Variants in BRINP3 observed in about 807,000 individuals in gnomAD.
The protein encoded by BRINP3 is BMP/retinoic acid inducible neural specific 3.
BRINP3 carries 19 observed loss-of-function variants against 71.0 expected under a neutral mutation model. That is an observed-to-expected ratio of 0.27 (90% CI 0.19 to 0.39). BRINP3 has a LOEUF of 0.39. Ranked by LOEUF, BRINP3 falls within the 10% of genes least tolerant of loss-of-function variation. The pLI is 1.00. For synonymous variants in BRINP3, 380 were observed against 337.7 expected (o/e 1.13, Z -1.37); for missense variants, 959 against 940.8 (o/e 1.02, Z -0.25).
At chr1:190,388,120 T>C (rs1327191314) in intron 2 of BRINP3, among the ~76,000 whole-genome samples, 4 of 151,800 alleles carry the variant, frequency 2.6e-5, no homozygotes, top group Admixed American at 1.3e-4. Context: ...TGAGTAAACA[T>C]AACTTAGCAT....
At chr1:190,352,229 T>C (rs1668434471) in intron 2 of BRINP3, among the ~76,000 whole-genome samples, 1 of 152,048 alleles carries the variant, frequency 6.6e-6, no homozygotes, top group African/African-American at 2.4e-5. Flanking sequence ...TTTTGACTAC[T>C]GAAAATTTGT....
chr1:190,277,191 C>T (rs894005638), intron 3 of BRINP3, among the ~76,000 whole-genome samples: 1 of 144,170 alleles, frequency 6.9e-6, no homozygotes, highest in Non-Finnish European at 1.5e-5. Flanking sequence ...ACAATCCTCA[C>T]TGTTAACATG....
rs577359531 is a variant in BRINP3, at chr1:190,361,561, C to G, written c.237-79811G>C. Among the ~76,000 whole-genome samples, 9 of 152,074 alleles carry G rather than the reference C, an allele frequency of 5.9e-5. No individual in the cohort carries two copies. The South Asian group carries it at 1.9e-3, about 32-fold the overall frequency. ...GGGACTACAGACACACATCACCACG[C>G]CCAGCTAATTTTTGTATTTTTGGTG... On this transcript the variant is annotated intron_variant, in intron 2 of 7. Transcript: ENST00000367462.
chr1:190,410,885 G>A lies in BRINP3; in HGVS notation c.236+43770C>T, dbSNP rs540344760. 5.3e-5 allele frequency among the ~76,000 whole-genome samples: 8 copies of A among 152,074 alleles called. No homozygotes were observed. The South Asian group carries it at 1.2e-3, about 24-fold the overall frequency. On this transcript the variant is annotated intron_variant, in intron 2 of 7. Coordinates refer to ENST00000367462, the MANE Select transcript of BRINP3 (RefSeq NM_199051.3). ...TACTTAGACTGAAAAACTCAATATC[G>A]CAAAGATGTCAGTTTATGGATTTAA...
intron 2 of BRINP3, among the ~76,000 whole-genome samples, chr1:190,367,138 G>A (rs1353641122): frequency 1.3e-5 from 2 of 152,206 alleles, no homozygotes; most frequent in African/African-American, 4.8e-5. Flanking sequence ...TGCCCTGGCA[G>A]AGGTTCTCCG....
intron 2 of BRINP3, among the ~76,000 whole-genome samples, chr1:190,385,435 C>A (rs1005607276): frequency 3.9e-5 from 6 of 152,024 alleles, no homozygotes; most frequent in Admixed American, 2.0e-4. Flanking sequence ...TGAACAGACA[C>A]TTCTCAAAAG....
At chr1:190,339,571 A>G (rs919587279) in intron 2 of BRINP3, among the ~76,000 whole-genome samples, 1 of 151,938 alleles carries the variant, frequency 6.6e-6, no homozygotes, top group African/African-American at 2.4e-5. Flanking sequence ...TTCTGTCCAA[A>G]CAGAAGTAAT....
chr1:190,200,760 A>G (rs1654931513), intron 6 of BRINP3, among the ~76,000 whole-genome samples: 3 of 152,050 alleles, frequency 2.0e-5, no homozygotes, highest in Non-Finnish European at 4.4e-5. Context: ...TGGTTTCATG[A>G]GATATCATGG....
At position 190,168,001 on chromosome 1, in the gene BRINP3, G is replaced by C. The variant is rs576771152; in HGVS notation, c.962-7111C>G. On this transcript the variant is annotated intron_variant, in intron 6 of 7. Transcript: ENST00000367462. ...ATCGGTGTGAAATCAGTTCAGCTCT[G>C]ACTTCAATGAATATATAATTACCCT... 1.2e-4 allele frequency among the ~76,000 whole-genome samples: 19 copies of C among 152,236 alleles called. No homozygotes were observed. The Middle Eastern group carries it at 0.01, about 82-fold the overall frequency.
chr1:190,474,916 C>T (rs1022964425), intron 1 of BRINP3: 5 of 152,152 alleles, frequency 3.3e-5, no homozygotes, highest in African/African-American at 1.2e-4. Context: ...CCCAGATCTT[C>T]CTACTTCCCA....
intron 2 of BRINP3, among the ~76,000 whole-genome samples, chr1:190,343,086 G>C (rs1419721590): frequency 6.6e-6 from 1 of 151,720 alleles, no homozygotes; most frequent in Non-Finnish European, 1.5e-5. Flanking sequence ...TCAAAGTACA[G>C]GTTGAAGTTA....
chr1:190,230,193 C>T (rs1558088059), intron 5 of BRINP3, among the ~76,000 whole-genome samples: 1 of 151,274 alleles, frequency 6.6e-6, no homozygotes, highest in Non-Finnish European at 1.5e-5. Flanking sequence ...AAGGCCTAAA[C>T]CACATTTAAA....
intron 2 of BRINP3, among the ~76,000 whole-genome samples, chr1:190,314,038 G>T (rs1049697260): frequency 1.3e-5 from 2 of 151,872 alleles, no homozygotes; most frequent in Admixed American, 1.3e-4. Context: ...TAAGGGCTTT[G>T]TATTTTTTCG....
intron 2 of BRINP3, among the ~76,000 whole-genome samples, chr1:190,296,516 A>C (rs2102982895): frequency 6.6e-6 from 1 of 152,222 alleles, no homozygotes; most frequent in South Asian, 2.1e-4. Flanking sequence ...GAACAACACA[A>C]GGCTGCCCAC....
At chr1:190,267,335 G>C (rs1420745291) in intron 3 of BRINP3, among the ~76,000 whole-genome samples, 1 of 151,878 alleles carries the variant, frequency 6.6e-6, no homozygotes, top group Admixed American at 6.6e-5. Flanking sequence ...AAAGTTAACA[G>C]AAAATTTAAA....
intron 2 of BRINP3, among the ~76,000 whole-genome samples, chr1:190,449,924 G>T (rs577828301): frequency 1.3e-5 from 2 of 151,970 alleles, no homozygotes; most frequent in East Asian, 3.9e-4. Context: ...ATTAGTACTC[G>T]TATATTCCCT....
At chr1:190,341,292 C>T (rs140748724) in intron 2 of BRINP3, among the ~76,000 whole-genome samples, 228 of 151,874 alleles carry the variant, frequency 1.5e-3, no homozygotes, top group African/African-American at 5.3e-3. Context: ...TGTAGTAGGA[C>T]AAATAATCAC....
At chr1:190,372,604 T>C (rs947914714) in intron 2 of BRINP3, among the ~76,000 whole-genome samples, 2 of 152,174 alleles carry the variant, frequency 1.3e-5, no homozygotes, top group Admixed American at 1.3e-4. Flanking sequence ...TCAGCAATTG[T>C]TATTTAGTGG....
At position 190,328,721 on chromosome 1, in the gene BRINP3, G is replaced by GAA. The variant is rs201118005; in HGVS notation, c.237-46973_237-46972dup. On this transcript the variant is annotated intron_variant, in intron 2 of 7. Coordinates refer to ENST00000367462, the MANE Select transcript of BRINP3 (RefSeq NM_199051.3). The stretch of plus-strand genomic sequence containing the variant: ...ATAAAAACCTGGCAGAGACAATGAA[G>GAA]AAAAAAAAAAAAAAAATACAGGCCA... Among the ~76,000 whole-genome samples, 521 of 87,992 alleles carry GAA rather than the reference G, an allele frequency of 5.9e-3. 6 individuals carry two copies. The highest frequency in any genetic ancestry group is 0.018 in the South Asian group (62 of 3,464). 57.7% of individuals were successfully genotyped at this position (87,992 alleles called of 152,430 possible).
Sources: gnomAD v4.1 joint callset for allele counts (sites outside exome capture counted in the v4.1 genomes callset) on GRCh38, gnomAD v4.1.1 for gene constraint, MANE v1.5 for transcripts, NCBI Gene and HGNC (gene_info 2026-07-23, HGNC 2026-07-21) for gene names.